GSAP: variants seen among roughly 807,000 people sequenced by gnomAD.
GSAP encodes the protein gamma-secretase activating protein, also known as gamma-secretase-activating protein.
A neutral mutation model predicts 131.7 loss-of-function variants in GSAP; 118 were observed. That is an observed-to-expected ratio of 0.90 (90% CI 0.77 to 1.04). The LOEUF (loss-of-function observed/expected upper bound fraction) is 1.04. Among genes scored for constraint, GSAP ranks in the 50% least tolerant of loss-of-function variants. The probability of loss-of-function intolerance (pLI) is 0.00; values close to 1 mark genes in which losing one functional copy is unlikely to be tolerated. For missense variants in GSAP, 1,019 were observed against 1,013.2 expected, an observed-to-expected ratio of 1.01 and a Z score of -0.08; for synonymous variants, 381 against 363.4, an observed-to-expected ratio of 1.05 and a Z score of -0.55.
chr7:77,324,736 C>T (rs969839379), intron 23 of GSAP, among the ~76,000 whole-genome samples: 2 of 151,926 alleles, frequency 1.3e-5, no homozygotes, highest in African/African-American at 4.8e-5. Context: ...CATAATCCTA[C>T]CACCCATATT....
At chr7:77,351,825 G>A (rs538953207) in intron 18 of GSAP, 213 of 517,720 alleles carry the variant, frequency 4.1e-4, no homozygotes, top group Non-Finnish European at 5.2e-4. Flanking sequence ...TTTGAACACA[G>A]GACATAACAG....
intron 5 of GSAP, among the ~76,000 whole-genome samples, chr7:77,394,282 C>G (rs941489656): frequency 3.3e-5 from 5 of 152,194 alleles, no homozygotes; most frequent in African/African-American, 4.8e-5. Context: ...TCCTACCACT[C>G]TGCCCCTTGT....
chr7:77,395,700 T>TA (rs543689881), intron 5 of GSAP, among the ~76,000 whole-genome samples: 179 of 152,244 alleles, frequency 1.2e-3, no homozygotes, highest in Middle Eastern at 6.8e-3. Flanking sequence ...CCTTGCAGAC[T>TA]AGGCTCTGGG....
intron 1 of GSAP, among the ~76,000 whole-genome samples, chr7:77,412,672 A>G (rs545880522): frequency 6.6e-6 from 1 of 152,052 alleles, no homozygotes; most frequent in South Asian, 2.1e-4. Context: ...AGTGGACAAA[A>G]GGATGAATAG....
At chr7:77,390,821 C>T (rs59034182) in intron 5 of GSAP, among the ~76,000 whole-genome samples, 14,116 of 151,118 alleles carry the variant, frequency 0.093, 727 homozygotes, top group South Asian at 0.19. Flanking sequence ...TGGTGGCACA[C>T]GCCTGTAGTC....
At chr7:77,402,611 A>AG (rs1801541916) in intron 3 of GSAP, among the ~76,000 whole-genome samples, 1 of 144,476 alleles carries the variant, frequency 6.9e-6, no homozygotes, top group African/African-American at 2.5e-5. Context: ...AAAAAAAAAA[A>AG]AAAAAGAATT....
chr7:77,329,013 TAA>T (rs577226894), intron 21 of GSAP, among the ~76,000 whole-genome samples: 15 of 147,480 alleles, frequency 1.0e-4, no homozygotes, highest in East Asian at 2.0e-4. Flanking sequence ...ACTGACACTT[TAA>T]AAAAAAAAAA....
chr7:77,350,389 A>C (rs1479470289), intron 18 of GSAP, among the ~76,000 whole-genome samples: 1 of 150,390 alleles, frequency 6.6e-6, no homozygotes, highest in Non-Finnish European at 1.5e-5. Flanking sequence ...TAACCTGCAC[A>C]TTGTGCACAT....
chr7:77,405,557 A>G (rs1413155015), intron 2 of GSAP, among the ~76,000 whole-genome samples: 4 of 152,060 alleles, frequency 2.6e-5, no homozygotes, highest in African/African-American at 9.7e-5. Flanking sequence ...TTTCTTTTTG[A>G]GACAGGGTTT....
chr7:77,358,009 A>G (rs1234637705), intron 14 of GSAP, among the ~76,000 whole-genome samples: 1 of 152,200 alleles, frequency 6.6e-6, no homozygotes, highest in Non-Finnish European at 1.5e-5. Context: ...AACATATACA[A>G]TTACTATTTG....
At chr7:77,312,380 G>A (rs1794482388) in intron 28 of GSAP, among the ~76,000 whole-genome samples, 178 bp from the exon 29 acceptor site, 1 of 152,218 alleles carries the variant, frequency 6.6e-6, no homozygotes, top group South Asian at 2.1e-4. Context: ...CTATGAGGGA[G>A]TAAATACTCT....
chr7:77,339,277 C>A (rs1234210740), intron 19 of GSAP, among the ~76,000 whole-genome samples: 3 of 152,002 alleles, frequency 2.0e-5, no homozygotes, highest in Non-Finnish European at 4.4e-5. Flanking sequence ...TGGTATTACG[C>A]GAGCAGAGAT....
chr7:77,389,748 G>T (rs1426611229), intron 5 of GSAP, among the ~76,000 whole-genome samples: 1 of 152,176 alleles, frequency 6.6e-6, no homozygotes, highest in Non-Finnish European at 1.5e-5. Flanking sequence ...AAATGTATGT[G>T]TGCATGTGTC....
At chr7:77,316,353 A>G (rs368574391) in intron 26 of GSAP, 31 of 152,180 alleles carry the variant, frequency 2.0e-4, no homozygotes, top group African/African-American at 7.2e-4. Context: ...ATTCAGAGAA[A>G]TCATGGGATT....
At position 77,334,579 on chromosome 7, in the gene GSAP, T is replaced by TAAAAAAAAAAAAAAAAAAAAAAAAAAAAA. The variant is rs1200040086; in HGVS notation, c.1546-4213_1546-4212insTTTTTTTTTTTTTTTTTTTTTTTTTTTTT. ...GCCCATGTATCCTGGAACTTAAAATTTAAAAAAAAAAAAAAAAAAAAAAAA... is the reference window on the plus strand; with the variant it reads ...GCCCATGTATCCTGGAACTTAAAATTAAAAAAAAAAAAAAAAAAAAAAAAAAAAATAAAAAAAAAAAAAAAAAAAAAAAA... On this transcript the variant is annotated intron_variant, in intron 19 of 30. Transcript: ENST00000257626. Among the ~76,000 whole-genome samples, 17 of 82,402 alleles carry TAAAAAAAAAAAAAAAAAAAAAAAAAAAAA rather than the reference T, an allele frequency of 2.1e-4. 3 individuals carry two copies. Among genetic ancestry groups the TAAAAAAAAAAAAAAAAAAAAAAAAAAAAA allele is most frequent in the Middle Eastern group, 6.3e-3 (1 of 158 alleles). The allele number at this position is 82,402 out of a possible 152,430, so 54.1% of individuals were successfully genotyped here. A position where few individuals can be genotyped will look rare whatever the true frequency, so the allele number is the denominator to read the frequency against.
chr7:77,328,295 A>G (rs1451330760), intron 22 of GSAP: 1 of 1,125,126 alleles, frequency 8.9e-7, no homozygotes, highest in Non-Finnish European at 1.1e-6. Context: ...GCCAAGGGAA[A>G]TGCCAAAATG....
At chr7:77,402,884 T>C (rs1479854509) in intron 3 of GSAP, among the ~76,000 whole-genome samples, 2 of 152,274 alleles carry the variant, frequency 1.3e-5, no homozygotes, top group South Asian at 2.1e-4. Context: ...TCAAAGCACC[T>C]TTGTCACTGG....
At chr7:77,342,812 C>A (rs917611744) in intron 19 of GSAP, among the ~76,000 whole-genome samples, 2 of 152,200 alleles carry the variant, frequency 1.3e-5, no homozygotes, top group African/African-American at 4.8e-5. Context: ...CCAGACAAGC[C>A]TTACAGGTTA....
chr7:77,330,076 T>C (rs1057368025), intron 20 of GSAP, 163 bp downstream of exon 20: 28 of 766,262 alleles, frequency 3.7e-5, no homozygotes, highest in African/African-American at 5.3e-5. Context: ...ACAGAGATCA[T>C]AGAAGCATCT....
Sources: allele counts gnomAD v4.1 joint callset (sites outside exome capture counted in the v4.1 genomes callset), GRCh38; gene constraint gnomAD v4.1.1; transcripts MANE v1.5; gene names NCBI Gene and HGNC (gene_info 2026-07-23, HGNC 2026-07-21).